The following GPC5 variants were observed in gnomAD, a reference collection of about 807,000 sequenced individuals.
GPC5 encodes the protein glypican 5.
In GPC5, 47 loss-of-function variants were observed where a neutral mutation model predicts 53.9. The ratio of observed to expected loss-of-function variants is 0.87; its 90% CI spans 0.69 to 1.11. The LOEUF (loss-of-function observed/expected upper bound fraction) is 1.11, where lower values mean the gene tolerates loss of function less well. Among genes scored for constraint, GPC5 ranks in the 50% most tolerant of loss-of-function variants. The pLI is 0.00. For missense variants in GPC5, 748 were observed against 713.1 expected, an observed-to-expected ratio of 1.05 and a Z score of -0.56; for synonymous variants, 286 against 263.3, an observed-to-expected ratio of 1.09 and a Z score of -0.84.
intron 7 of GPC5, among the ~76,000 whole-genome samples, chr13:92,666,323 TATAAACA>T (rs1186412402): frequency 6.6e-6 from 1 of 152,202 alleles, no homozygotes; most frequent in East Asian, 1.9e-4. Flanking sequence ...AGCCACTGTA[TATAAACA>T]TTTGCTGAAT....
At chr13:91,880,554 A>G (rs1303442795) in intron 5 of GPC5, among the ~76,000 whole-genome samples, 2 of 152,172 alleles carry the variant, frequency 1.3e-5, no homozygotes, top group Non-Finnish European at 2.9e-5. Context: ...TTAAATATTA[A>G]ATTAAATATG....
chr13:91,662,114 G>C (rs960448411), intron 2 of GPC5, among the ~76,000 whole-genome samples: 1 of 152,164 alleles, frequency 6.6e-6, no homozygotes, highest in Non-Finnish European at 1.5e-5. Context: ...GAAACAGAGG[G>C]AAGAAGAGAA....
chr13:92,613,378 TATTATATTATATATA>T (rs1190808777), intron 7 of GPC5, among the ~76,000 whole-genome samples: 15 of 72,258 alleles, frequency 2.1e-4, no homozygotes, highest in South Asian at 7.0e-4. Context: ...TATATAAATA[TATTATATTATATATA>T]AATATATATT....
rs774867358 is a variant in GPC5, at chr13:92,042,103, G to A, written c.1402-102727G>A. Among the ~76,000 whole-genome samples the A allele has an allele frequency of 4.6e-5, 7 of 152,116 alleles. 1 individual carries two copies. Among genetic ancestry groups the A allele is most frequent in the African/African-American group, 9.7e-5 (4 of 41,412 alleles). ...GACTGGGGTCCTGAGTCCTGATGGC[G>A]CCTCCCCTTAGAGACTGTGATGTGC... On this transcript the variant is annotated intron_variant, in intron 6 of 7. Coordinates refer to ENST00000377067, the MANE Select transcript of GPC5 (RefSeq NM_004466.6).
chr13:91,670,816 A>G (rs1381498357), intron 2 of GPC5, among the ~76,000 whole-genome samples: 1 of 152,210 alleles, frequency 6.6e-6, no homozygotes, highest in Non-Finnish European at 1.5e-5. Context: ...GGCTGCAGAC[A>G]GTTCTGAAAA....
intron 7 of GPC5, among the ~76,000 whole-genome samples, chr13:92,478,454 T>C (rs1879230434): frequency 6.6e-6 from 1 of 152,186 alleles, no homozygotes; most frequent in East Asian, 1.9e-4. Context: ...AACTATTTGA[T>C]GGGATAATTT....
At chr13:92,092,470 A>G (rs2041388761) in intron 6 of GPC5, among the ~76,000 whole-genome samples, 1 of 152,192 alleles carries the variant, frequency 6.6e-6, no homozygotes, top group African/African-American at 2.4e-5. Flanking sequence ...ACCTAAATCC[A>G]CAATGCCACT....
intron 6 of GPC5, among the ~76,000 whole-genome samples, chr13:92,101,884 A>G (rs1163858206): frequency 2.6e-5 from 4 of 152,238 alleles, no homozygotes; most frequent in Admixed American, 2.6e-4. Context: ...ATAAATCAAC[A>G]ACTTTAAAAT....
chr13:91,650,750 G>GTTTTGTTTTTTTTTTTTTTTTTTTT (rs1555333961), intron 2 of GPC5, among the ~76,000 whole-genome samples: 2 of 99,642 alleles, frequency 2.0e-5, no homozygotes, highest in African/African-American at 8.1e-5. Context: ...ATTCCCATAA[G>GTTTTGTTTTTTTTTTTTTTTTTTTT]TTTTTTTTTT....
intron 6 of GPC5, among the ~76,000 whole-genome samples, chr13:92,125,288 C>T (rs1469588507): frequency 6.6e-6 from 1 of 152,222 alleles, no homozygotes; most frequent in Non-Finnish European, 1.5e-5. Context: ...AGCTAATCCA[C>T]ATCTGGATTC....
At chr13:92,124,507 GAAGTA>G (rs1255932276) in intron 6 of GPC5, among the ~76,000 whole-genome samples, 2 of 152,152 alleles carry the variant, frequency 1.3e-5, no homozygotes, top group African/African-American at 4.8e-5. Context: ...GTGACAATGA[GAAGTA>G]AAGAGTAGAA....
chr13:91,650,552 G>T (rs899665067), intron 2 of GPC5, among the ~76,000 whole-genome samples: 2 of 151,024 alleles, frequency 1.3e-5, no homozygotes, highest in African/African-American at 4.9e-5. Flanking sequence ...AAAACAAGAT[G>T]AGTAAACTTT....
At chr13:92,257,134 G>A (rs2042731834) in intron 7 of GPC5, among the ~76,000 whole-genome samples, 1 of 151,988 alleles carries the variant, frequency 6.6e-6, no homozygotes, top group Admixed American at 6.6e-5. Flanking sequence ...GGCTTAAGCT[G>A]GATATTTAAC....
chr13:91,924,983 C>A (rs1280567288), intron 6 of GPC5, among the ~76,000 whole-genome samples: 1 of 151,908 alleles, frequency 6.6e-6, no homozygotes, highest in Non-Finnish European at 1.5e-5. Context: ...ACACGCCCAG[C>A]TAATTTTTTG....
chr13:91,670,443 T>C, intron 2 of GPC5, among the ~76,000 whole-genome samples: 1 of 152,168 alleles, frequency 6.6e-6, no homozygotes. Flanking sequence ...AAAGACATTC[T>C]TAATGTTAGT....
intron 5 of GPC5, among the ~76,000 whole-genome samples, chr13:91,900,649 A>T (rs1243167469): frequency 6.6e-6 from 1 of 152,124 alleles, no homozygotes; most frequent in Admixed American, 6.6e-5. Context: ...CAGAGCTTTG[A>T]CTATAAAAAA....
chr13:91,812,916 T>C (rs2038336416), intron 5 of GPC5, among the ~76,000 whole-genome samples: 1 of 152,184 alleles, frequency 6.6e-6, no homozygotes. Flanking sequence ...CTTGACATCT[T>C]TGGAATGCTG....
At chr13:91,750,820 G>A (rs1474585777) in intron 4 of GPC5, among the ~76,000 whole-genome samples, 2 of 151,584 alleles carry the variant, frequency 1.3e-5, no homozygotes, top group Admixed American at 1.3e-4. Context: ...GCGCCACCAT[G>A]CCCGGCTAAT....
chr13:92,203,214 A>G (rs2042307492), intron 7 of GPC5, among the ~76,000 whole-genome samples: 1 of 151,778 alleles, frequency 6.6e-6, no homozygotes, highest in South Asian at 2.1e-4. Context: ...ACTATTCACA[A>G]TAGCAAAGAC....
Sources: allele counts gnomAD v4.1 joint callset (sites outside exome capture counted in the v4.1 genomes callset), GRCh38; gene constraint gnomAD v4.1.1; transcripts MANE v1.5; gene names NCBI Gene and HGNC (gene_info 2026-07-23, HGNC 2026-07-21).